The following DSE variants were observed in gnomAD, a reference collection of about 807,000 sequenced individuals.
DSE encodes the protein dermatan sulfate epimerase.
In DSE, 36 loss-of-function variants were observed where a neutral mutation model predicts 84.4. The ratio of observed to expected loss-of-function variants is 0.43; its 90% CI spans 0.33 to 0.56. The LOEUF is 0.56. Among genes scored for constraint, DSE ranks in the 20% least tolerant of loss-of-function variants. The pLI is 0.06. For synonymous variants in DSE, 410 were observed against 430.1 expected, an observed-to-expected ratio of 0.95 and a Z score of 0.58; for missense variants, 862 against 1,169.6, an observed-to-expected ratio of 0.74 and a Z score of 3.84.
chr6:116,436,706 G>T lies in DSE; in HGVS notation c.2238G>T (p.Leu746Phe). ...KDYAAIVEQNLQHFKPVFQLL... is the reference protein window; with the variant it reads ...KDYAAIVEQNFQHFKPVFQLL... Reference sequence around the variant, plus strand: ...ATGCTGCTATTGTGGAACAGAACTTGCAGCATTTTAAACCAGTGTTTCAGC... The same window carrying T: ...ATGCTGCTATTGTGGAACAGAACTTTCAGCATTTTAAACCAGTGTTTCAGC... The change falls in exon 6 of 6, where the codon TTG (leucine) becomes TTT (phenylalanine). Residue 746 changes from leucine to phenylalanine, a missense_variant. Coordinates refer to ENST00000644252, the MANE Select transcript of DSE (RefSeq NM_013352.4). 1 of 1,614,184 alleles carries T rather than the reference G, an allele frequency of 6.2e-7. No homozygotes were observed. The highest frequency in any genetic ancestry group is 1.1e-5 in the South Asian group (1 of 91,086).
intron 2 of DSE, among the ~76,000 whole-genome samples, chr6:116,305,119 T>A (rs575215566): frequency 6.6e-6 from 1 of 152,266 alleles, no homozygotes; most frequent in East Asian, 1.9e-4. Flanking sequence ...ATGGTCCAAA[T>A]TAGAATCAAA....
chr6:116,286,863 G>C (rs868766207), intron 2 of DSE, among the ~76,000 whole-genome samples: 1 of 152,002 alleles, frequency 6.6e-6, no homozygotes, highest in Non-Finnish European at 1.5e-5. Flanking sequence ...AGCTCCCCTT[G>C]GTACATGTTA....
At chr6:116,339,425 A>C (rs1777460284) in intron 2 of DSE, among the ~76,000 whole-genome samples, 2 of 152,162 alleles carry the variant, frequency 1.3e-5, no homozygotes, top group African/African-American at 2.4e-5. Context: ...TACAGTTTGG[A>C]AAGCAATGTT....
At chr6:116,407,021 T>C (rs1343513386) in intron 2 of DSE, among the ~76,000 whole-genome samples, 2 of 152,140 alleles carry the variant, frequency 1.3e-5, no homozygotes, top group African/African-American at 4.8e-5. Context: ...AAGTATAAAT[T>C]TAAGAGACAT....
At chr6:116,391,505 G>A (rs1282035041) in intron 1 of DSE, among the ~76,000 whole-genome samples, 2 of 152,150 alleles carry the variant, frequency 1.3e-5, no homozygotes, top group Non-Finnish European at 2.9e-5. Context: ...TGTGGCTCAC[G>A]CCTGTAATCC....
At chr6:116,273,824 A>T (rs1206393834) in intron 2 of DSE, among the ~76,000 whole-genome samples, 1 of 132,408 alleles carries the variant, frequency 7.6e-6, no homozygotes, top group Non-Finnish European at 1.5e-5. Flanking sequence ...TTCAAAAAGT[A>T]TGTTTTTTTG....
intron 2 of DSE, among the ~76,000 whole-genome samples, chr6:116,355,301 A>G (rs1778514853): frequency 6.6e-6 from 1 of 152,198 alleles, no homozygotes; most frequent in Non-Finnish European, 1.5e-5. Context: ...GAGACTCACA[A>G]TTTCTGTGTA....
intron 2 of DSE, among the ~76,000 whole-genome samples, chr6:116,338,219 C>CTT (rs893312210): frequency 0.057 from 5,219 of 91,220 alleles, 424 homozygotes; most frequent in African/African-American, 0.17. Flanking sequence ...TTTCTTCTTT[C>CTT]TTTTTTTTTT....
intron 2 of DSE, among the ~76,000 whole-genome samples, chr6:116,357,552 T>C (rs1238702719): frequency 2.6e-5 from 4 of 152,098 alleles, no homozygotes; most frequent in Non-Finnish European, 5.9e-5. Flanking sequence ...AAAAGTTATC[T>C]TTTTGCATGG....
chr6:116,397,976 A>T (rs1781363677), intron 1 of DSE, among the ~76,000 whole-genome samples: 1 of 152,172 alleles, frequency 6.6e-6, no homozygotes, highest in South Asian at 2.1e-4. Flanking sequence ...CTGTTAAATT[A>T]TTAGTTTTTC....
At chr6:116,367,153 G>A (rs1054661064), upstream of DSE, 3 of 152,434 alleles carry the variant, frequency 2.0e-5, no homozygotes, top group African/African-American at 4.8e-5. Context: ...GCCTCTGGAG[G>A]ATGCCTGGCC....
At position 116,437,649 on chromosome 6, in the gene DSE, T is replaced by C. The variant is rs1315513095; in HGVS notation, c.*304T>C. The C allele has an allele frequency of 4.9e-6, 1 of 203,290 alleles. No individual in the cohort carries two copies. Among genetic ancestry groups the C allele is most frequent in the Non-Finnish European group, 9.7e-6 (1 of 102,758 alleles). 12.6% of individuals were successfully genotyped at this position (203,290 alleles called of 1,614,324 possible). ...AAAAGTCTATTTTTTAAAGTAATGT[T>C]TTTTCTTATGAGAAAAAGGTTTAGA... is the stretch of plus-strand genomic sequence containing the variant. On this transcript the variant is annotated 3_prime_UTR_variant, in exon 6 of 6. Coordinates refer to ENST00000644252, the MANE Select transcript of DSE (RefSeq NM_013352.4).
intron 2 of DSE, among the ~76,000 whole-genome samples, chr6:116,328,283 T>C (rs1054104717): frequency 3.3e-5 from 5 of 152,258 alleles, no homozygotes; most frequent in African/African-American, 1.2e-4. Context: ...TACTACAATG[T>C]ATACAATAAG....
chr6:116,440,709 G>A lies in DSE; in HGVS notation c.*3364G>A, dbSNP rs1784397255. ...GAGGAGCAATTAATTGTTATTCCAG[G>A]ACAACAGATATAAATCGAGATTATA... is the stretch of plus-strand genomic sequence containing the variant. On this transcript the variant is annotated 3_prime_UTR_variant, in exon 6 of 6. Transcript: ENST00000644252. 1 of 152,172 alleles carries A rather than the reference G, an allele frequency of 6.6e-6. No individual in the cohort carries two copies. Among genetic ancestry groups the A allele is most frequent in the Admixed American group, 6.5e-5 (1 of 15,280 alleles). The allele number at this position is 152,172 out of a possible 1,614,324, so 9.4% of individuals were successfully genotyped here. A position where few individuals can be genotyped will look rare whatever the true frequency, so the allele number is the denominator to read the frequency against.
At chr6:116,267,632 T>G (rs1250520542) in intron 2 of DSE, among the ~76,000 whole-genome samples, 1 of 152,116 alleles carries the variant, frequency 6.6e-6, no homozygotes, top group East Asian at 1.9e-4. Context: ...AAAGAAAAAT[T>G]TTTTTATAAA....
At chr6:116,392,369 A>C (rs1780964327) in intron 1 of DSE, among the ~76,000 whole-genome samples, 2 of 152,160 alleles carry the variant, frequency 1.3e-5, no homozygotes, top group Admixed American at 1.3e-4. Flanking sequence ...CAACGTCAGG[A>C]ACATTCATTT....
intron 1 of DSE, among the ~76,000 whole-genome samples, chr6:116,392,699 A>G (rs1780986045): frequency 6.6e-6 from 1 of 152,208 alleles, no homozygotes; most frequent in Non-Finnish European, 1.5e-5. Flanking sequence ...TTAACTGGTC[A>G]AGTTGCCCCA....
chr6:116,322,933 G>A (rs1338914075), intron 2 of DSE, among the ~76,000 whole-genome samples: 2 of 152,112 alleles, frequency 1.3e-5, no homozygotes, highest in Non-Finnish European at 2.9e-5. Flanking sequence ...AGTGTAGAGA[G>A]CATTTTTTTG....
intron 2 of DSE, among the ~76,000 whole-genome samples, chr6:116,403,357 T>C (rs62425178): frequency 0.2 from 30,133 of 151,776 alleles, 4,052 homozygotes; most frequent in Middle Eastern, 0.32. Context: ...AAAATATTCT[T>C]TATTAAAAAT....
Sources: gnomAD v4.1 joint callset for allele counts (sites outside exome capture counted in the v4.1 genomes callset) on GRCh38, gnomAD v4.1.1 for gene constraint, MANE v1.5 for transcripts, NCBI Gene and HGNC (gene_info 2026-07-23, HGNC 2026-07-21) for gene names.